PLAG1: variants seen among roughly 807,000 people sequenced by gnomAD.
PLAG1 encodes PLAG1 zinc finger, also known as zinc finger protein PLAG1.
A neutral mutation model predicts 35.5 loss-of-function variants in PLAG1; 7 were observed. That is an observed-to-expected ratio of 0.20 (90% CI 0.11 to 0.37). PLAG1 has a LOEUF of 0.37. Among genes scored for constraint, PLAG1 ranks in the 10% least tolerant of loss-of-function variants. The pLI is 1.00. For synonymous variants in PLAG1, 229 were observed against 225.4 expected (o/e 1.02, Z -0.14); for missense variants, 454 against 602.8 (o/e 0.75, Z 2.58).
intron 1 of PLAG1, among the ~76,000 whole-genome samples, chr8:56,206,641 T>A (rs1812709445): frequency 6.6e-6 from 1 of 152,030 alleles, no homozygotes; most frequent in Non-Finnish European, 1.5e-5. Flanking sequence ...ATTCATATTT[T>A]ACTTACTTGT....
intron 1 of PLAG1, among the ~76,000 whole-genome samples, chr8:56,207,111 C>G (rs1812722216): frequency 6.6e-6 from 1 of 151,586 alleles, no homozygotes; most frequent in Non-Finnish European, 1.5e-5. Flanking sequence ...TTTTATATAT[C>G]TTAATTTTCC....
intron 1 of PLAG1, among the ~76,000 whole-genome samples, chr8:56,201,500 T>C (rs1317052809): frequency 6.6e-6 from 1 of 152,200 alleles, no homozygotes; most frequent in African/African-American, 2.4e-5. Flanking sequence ...TAAGTTGACA[T>C]TTAGCACTTT....
Position 56,164,775 on chromosome 8 carries a change from G to A in PLAG1, c.*1468C>T, listed in dbSNP as rs1811306201. 4.7e-6 allele frequency: 1 copy of A among 212,978 alleles called. No homozygotes were observed. Among genetic ancestry groups the A allele is most frequent in the Admixed American group, 5.8e-5 (1 of 17,104 alleles). The allele number at this position is 212,978 out of a possible 1,614,324, so 13.2% of individuals were successfully genotyped here. On this transcript the variant is annotated 3_prime_UTR_variant, in exon 5 of 5. Coordinates refer to ENST00000316981, the MANE Select transcript of PLAG1 (RefSeq NM_002655.3). Reference sequence around the variant, plus strand: ...GTGAGGAAAAGCCTATAATTATTCAGTGAATATAATATATTCTCAATTGTT... The same window carrying A: ...GTGAGGAAAAGCCTATAATTATTCAATGAATATAATATATTCTCAATTGTT...
At chr8:56,173,219 C>T (rs1811583266) in intron 2 of PLAG1, among the ~76,000 whole-genome samples, 1 of 152,034 alleles carries the variant, frequency 6.6e-6, no homozygotes, top group Admixed American at 6.5e-5. Context: ...CTAGAAATCA[C>T]CCATTCTATG....
At chr8:56,201,653 G>A (rs1015187612) in intron 1 of PLAG1, among the ~76,000 whole-genome samples, 3 of 152,162 alleles carry the variant, frequency 2.0e-5, no homozygotes, top group African/African-American at 7.2e-5. Flanking sequence ...GCTGCTATAG[G>A]TCTGTCCATT....
rs753064053 is a variant in PLAG1 at position 56,161,741 on chromosome 8, G to A, written c.*4502C>T. 6.6e-5 allele frequency: 15 copies of A among 228,778 alleles called. No homozygotes were observed. Among genetic ancestry groups the A allele is most frequent in the Non-Finnish European group, 1.2e-4 (14 of 115,118 alleles). 14.2% of individuals were successfully genotyped at this position (228,778 alleles called of 1,614,324 possible). On this transcript the variant is annotated 3_prime_UTR_variant, in exon 5 of 5. Transcript: ENST00000316981. ...CCTTTTTCTATGGATAAAAAAATAC[G>A]ACTGAATGAGACAGAGAAGTTTGTA...
chr8:56,167,046 T>G lies in PLAG1; in HGVS notation c.700A>C (p.Lys234Gln). 6.2e-7 allele frequency: 1 copy of G among 1,613,958 alleles called. No individual in the cohort carries two copies. The highest frequency in any genetic ancestry group is 8.5e-7 in the Non-Finnish European group (1 of 1,179,802). Residue 234 changes from lysine (K) to glutamine (Q), a missense_variant, in exon 5 of 5, where the codon AAG (lysine) becomes CAG (glutamine). Lys to Gln is a moderately conservative substitution (Grantham distance 53, BLOSUM62 1). Transcript: ENST00000316981. This position sits in a 1 kb window ranked among gnomAD's most constrained non-coding sequence, Gnocchi z 5.9. ...TTCAGAAGCTCTTGATTGTGACTCTTCTTCATATGTCGAGTCAGGTGATCC... is the reference window on the plus strand; with the variant it reads ...TTCAGAAGCTCTTGATTGTGACTCTGCTTCATATGTCGAGTCAGGTGATCC... ...RKDHLTRHMK[K>Q]SHNQELLKVK...
chr8:56,172,404 T>C (rs987719864), intron 2 of PLAG1, among the ~76,000 whole-genome samples: 2 of 152,206 alleles, frequency 1.3e-5, no homozygotes, highest in African/African-American at 4.8e-5. Context: ...CATGCATAAA[T>C]GGAAGAACGG....
Position 56,167,549 on chromosome 8 carries a change from G to T in PLAG1, c.243-46C>A. 1 of 1,260,264 alleles carries T rather than the reference G, an allele frequency of 7.9e-7. No individual in the cohort carries two copies. The highest frequency in any genetic ancestry group is 1.1e-6 in the Non-Finnish European group (1 of 899,556). 78.1% of individuals were successfully genotyped at this position (1,260,264 alleles called of 1,614,324 possible). On this transcript the variant is annotated intron_variant, in intron 4 of 4. Transcript: ENST00000316981. This position sits in a 1 kb window ranked among gnomAD's most constrained non-coding sequence, Gnocchi z 5.9. ...TATAAGTAGTTATTATGACAAAAAT[G>T]GCATGTATTCACTTTTCAAATGGAA...
At chr8:56,209,010 T>C (rs1812775848) in intron 1 of PLAG1, among the ~76,000 whole-genome samples, 1 of 152,206 alleles carries the variant, frequency 6.6e-6, no homozygotes, top group African/African-American at 2.4e-5. Context: ...AAGAAATGCC[T>C]ACTGCTTACA....
chr8:56,199,202 CCAAA>C (rs1166664316), intron 1 of PLAG1, among the ~76,000 whole-genome samples: 1 of 151,974 alleles, frequency 6.6e-6, no homozygotes, highest in Non-Finnish European at 1.5e-5. Context: ...AAGGTGCCAC[CCAAA>C]CAAAGTGCAA....
chr8:56,180,213 G>A (rs1027521189), intron 1 of PLAG1, among the ~76,000 whole-genome samples: 2 of 152,230 alleles, frequency 1.3e-5, no homozygotes, highest in African/African-American at 4.8e-5. Context: ...AGAAAAAGAA[G>A]CCACAAGTTC....
chr8:56,209,702 GA>G (rs1271321953), intron 1 of PLAG1, among the ~76,000 whole-genome samples: 1 of 152,056 alleles, frequency 6.6e-6, no homozygotes, highest in East Asian at 1.9e-4. Flanking sequence ...CAGGAAGGGG[GA>G]AACCAAGCAA....
intron 1 of PLAG1, among the ~76,000 whole-genome samples, chr8:56,182,574 G>A (rs1263325893): frequency 7.0e-6 from 1 of 142,530 alleles, no homozygotes; most frequent in Admixed American, 6.9e-5. Flanking sequence ...CCAAACTTCA[G>A]CAAGAGAAGT....
In PLAG1 at chr8:56,161,460, A is replaced by C. The variant is rs1396860713; in HGVS notation, c.*4783T>G. The C allele has an allele frequency of 4.5e-6, 1 of 223,436 alleles. No homozygotes were observed. The highest frequency in any genetic ancestry group is 2.2e-5 in the African/African-American group (1 of 44,840). 13.8% of individuals were successfully genotyped at this position (223,436 alleles called of 1,614,324 possible). ...GCAATCCGTTTCCTAATGGATTCCC[A>C]GTTTTTGTTAAATTCAAAGGGCTGT... On this transcript the variant is annotated 3_prime_UTR_variant, in exon 5 of 5. Coordinates refer to ENST00000316981, the MANE Select transcript of PLAG1 (RefSeq NM_002655.3).
rs1811477340 is a variant in PLAG1 at position 56,170,104 on chromosome 8, C to CA, written c.-118+986dup. ...AATGTAAAGGCTGTTTCTAAACAGG[C>CA]AAAATACAGCAATTATCCACTCACT... On this transcript the variant is annotated intron_variant, in intron 3 of 4. Transcript: ENST00000316981. Among the ~76,000 whole-genome samples, 3 of 152,160 alleles carry CA rather than the reference C, an allele frequency of 2.0e-5. No individual in the cohort carries two copies. In the South Asian group the frequency reaches 6.2e-4, roughly 32 times the overall value.
chr8:56,192,968 T>G (rs897473343), intron 1 of PLAG1, among the ~76,000 whole-genome samples: 6 of 152,086 alleles, frequency 3.9e-5, no homozygotes, highest in South Asian at 2.1e-4. Context: ...TGAGTAACTG[T>G]GGGTCAAAAA....
chr8:56,177,579 C>G (rs955237040), intron 2 of PLAG1, among the ~76,000 whole-genome samples: 5 of 152,176 alleles, frequency 3.3e-5, no homozygotes, highest in African/African-American at 1.2e-4. Context: ...ACCTGTCTGA[C>G]CTGTCTCTCC....
chr8:56,178,992 GC>G (rs1341450216), intron 2 of PLAG1, among the ~76,000 whole-genome samples: 1 of 116,460 alleles, frequency 8.6e-6, no homozygotes, highest in Admixed American at 1.2e-4. Flanking sequence ...CTCTCCACCT[GC>G]CCATAGGTAA....
Sources: allele counts gnomAD v4.1 joint callset (sites outside exome capture counted in the v4.1 genomes callset), GRCh38; gene constraint gnomAD v4.1.1; non-coding constraint Gnocchi (gnomAD v3.1); transcripts MANE v1.5; gene names NCBI Gene and HGNC (gene_info 2026-07-23, HGNC 2026-07-21).